ARHGEF38: variants seen among roughly 807,000 people sequenced by gnomAD.
ARHGEF38 encodes the protein Rho guanine nucleotide exchange factor 38.
A neutral mutation model predicts 79.9 loss-of-function variants in ARHGEF38; 79 were observed. The ratio of observed to expected loss-of-function variants is 0.99; its 90% CI spans 0.82 to 1.19. The LOEUF (loss-of-function observed/expected upper bound fraction) is 1.19, where lower values mean the gene tolerates loss of function less well. Ranked by LOEUF, ARHGEF38 falls within the 50% of genes most tolerant of loss-of-function variation. The pLI, the probability that ARHGEF38 is intolerant of heterozygous loss-of-function variation, is 0.00. For missense variants in ARHGEF38, 962 were observed against 907.2 expected (o/e 1.06, Z -0.78); for synonymous variants, 366 against 328.3 (o/e 1.11, Z -1.24).
intron 9 of ARHGEF38, among the ~76,000 whole-genome samples, chr4:105,656,117 C>A (rs1473489348): frequency 5.3e-5 from 8 of 152,022 alleles, no homozygotes; most frequent in Non-Finnish European, 1.5e-5. Context: ...TGCAGTGGAA[C>A]AATCTCAGCT....
intron 1 of ARHGEF38, among the ~76,000 whole-genome samples, chr4:105,554,770 T>C (rs1230538426): frequency 1.3e-5 from 2 of 152,140 alleles, no homozygotes; most frequent in Non-Finnish European, 2.9e-5. Context: ...ACATCTAGTA[T>C]ACTGGCTGAT....
intron 2 of ARHGEF38, among the ~76,000 whole-genome samples, chr4:105,609,648 A>C (rs1466601711): frequency 6.6e-6 from 1 of 152,104 alleles, no homozygotes; most frequent in Non-Finnish European, 1.5e-5. Context: ...GAAGCGCCAA[A>C]GCAACCTTGA....
chr4:105,622,309 T>G (rs1016193192), intron 3 of ARHGEF38, among the ~76,000 whole-genome samples: 1 of 152,130 alleles, frequency 6.6e-6, no homozygotes, highest in Admixed American at 6.5e-5. Flanking sequence ...AGGATACACA[T>G]AGAAATACAT....
chr4:105,645,410 G>A, intron 6 of ARHGEF38, 23 bp downstream of exon 6: 2 of 1,484,320 alleles, frequency 1.3e-6, no homozygotes, highest in East Asian at 2.5e-5. Flanking sequence ...ATGATGAATT[G>A]GTTGTTTTCC....
At position 105,676,992 on chromosome 4, in the gene ARHGEF38, C is replaced by T. The variant is rs569326247; in HGVS notation, c.2149-760C>T. On this transcript the variant is annotated intron_variant, in intron 13 of 13. Coordinates refer to ENST00000420470, the MANE Select transcript of ARHGEF38 (RefSeq NM_001242729.2). ...TTCTTTTTTTTTTTGGAGACAGAGT[C>T]TCACTCCGTCGCCCAGGCTGGAGTG... Among the ~76,000 whole-genome samples, 7 of 151,040 alleles carry T rather than the reference C, an allele frequency of 4.6e-5. No individual in the cohort carries two copies. The East Asian group carries it at 1.2e-3, about 25-fold the overall frequency.
At chr4:105,670,946 T>C (rs1159072012) in intron 13 of ARHGEF38, among the ~76,000 whole-genome samples, 7 of 152,146 alleles carry the variant, frequency 4.6e-5, no homozygotes, top group African/African-American at 1.7e-4. Context: ...TGAGACTGCA[T>C]TTAGTTCCTA....
intron 2 of ARHGEF38, among the ~76,000 whole-genome samples, chr4:105,595,691 G>T (rs1313470074): frequency 6.6e-6 from 1 of 151,834 alleles, no homozygotes; most frequent in African/African-American, 2.4e-5. Flanking sequence ...AAATGCAATG[G>T]TTACATTTAC....
At chr4:105,580,172 C>T (rs1020714549) in intron 1 of ARHGEF38, among the ~76,000 whole-genome samples, 2 of 152,022 alleles carry the variant, frequency 1.3e-5, no homozygotes, top group Non-Finnish European at 2.9e-5. Context: ...AAAACTAGAT[C>T]TTGGATTCAT....
chr4:105,574,583 G>A (rs930814296), intron 1 of ARHGEF38, among the ~76,000 whole-genome samples: 1 of 151,154 alleles, frequency 6.6e-6, no homozygotes, highest in African/African-American at 2.4e-5. Flanking sequence ...GGCAAGAGCA[G>A]GCATCCTTGT....
chr4:105,561,712 A>G (rs986633722), intron 1 of ARHGEF38: 6 of 152,112 alleles, frequency 3.9e-5, no homozygotes, highest in African/African-American at 1.4e-4. Flanking sequence ...TTGTATAGAC[A>G]AAAGACATAC....
At chr4:105,568,151 A>G (rs1726032869) in intron 1 of ARHGEF38, among the ~76,000 whole-genome samples, 1 of 151,936 alleles carries the variant, frequency 6.6e-6, no homozygotes, top group Admixed American at 6.6e-5. Context: ...CATGGTGTAT[A>G]TGTGCCACAT....
At chr4:105,666,600 G>C (rs951289013) in intron 11 of ARHGEF38, among the ~76,000 whole-genome samples, 1 of 152,088 alleles carries the variant, frequency 6.6e-6, no homozygotes, top group Non-Finnish European at 1.5e-5. Flanking sequence ...TGTTGAATAA[G>C]ATTTTATAAA....
chr4:105,648,022 T>G (rs1363694741), intron 6 of ARHGEF38, among the ~76,000 whole-genome samples: 1 of 151,494 alleles, frequency 6.6e-6, no homozygotes, highest in Non-Finnish European at 1.5e-5. Flanking sequence ...CCCAAGTACC[T>G]GGGACTACAG....
chr4:105,665,000 C>CTGT (rs891716180), intron 10 of ARHGEF38, among the ~76,000 whole-genome samples: 1 of 151,784 alleles, frequency 6.6e-6, no homozygotes, highest in Non-Finnish European at 1.5e-5. Flanking sequence ...TTTGTTGTTG[C>CTGT]TGTTGTTGTT....
chr4:105,615,056 A>G (rs965394032), intron 3 of ARHGEF38, among the ~76,000 whole-genome samples: 1 of 152,236 alleles, frequency 6.6e-6, no homozygotes, highest in Non-Finnish European at 1.5e-5. Context: ...TGTTGAGGAG[A>G]AGATTCCAAA....
At chr4:105,623,661 T>C (rs1286770637) in intron 3 of ARHGEF38, among the ~76,000 whole-genome samples, 1 of 152,168 alleles carries the variant, frequency 6.6e-6, no homozygotes, top group Non-Finnish European at 1.5e-5. Context: ...ATCATCAAAA[T>C]ATGCAGCTGT....
chr4:105,646,792 G>A (rs1313476888), intron 6 of ARHGEF38, among the ~76,000 whole-genome samples: 1 of 150,668 alleles, frequency 6.6e-6, no homozygotes, highest in African/African-American at 2.4e-5. Flanking sequence ...TAAAAAAGTA[G>A]GTGTATCAAT....
chr4:105,602,257 A>G (rs1478070925), intron 2 of ARHGEF38, among the ~76,000 whole-genome samples: 1 of 152,160 alleles, frequency 6.6e-6, no homozygotes, highest in Non-Finnish European at 1.5e-5. Flanking sequence ...TCCTTATAAA[A>G]ATAAAAATAA....
intron 2 of ARHGEF38, among the ~76,000 whole-genome samples, chr4:105,593,700 C>A (rs1341613223): frequency 1.3e-5 from 2 of 152,184 alleles, no homozygotes; most frequent in African/African-American, 4.8e-5. Context: ...ACTAGCCCCG[C>A]TAAAATGAAT....
Sources: allele counts gnomAD v4.1 joint callset (sites outside exome capture counted in the v4.1 genomes callset), GRCh38; gene constraint gnomAD v4.1.1; transcripts MANE v1.5; gene names NCBI Gene and HGNC (gene_info 2026-07-23, HGNC 2026-07-21).